Variants in FAT3 observed in about 807,000 individuals in gnomAD.
The protein encoded by FAT3 is protocadherin Fat 3.
In FAT3, 95 loss-of-function variants were observed where a neutral mutation model predicts 310.2. The ratio of observed to expected loss-of-function variants is 0.31; its 90% CI spans 0.26 to 0.36. FAT3 has a LOEUF of 0.36. Ranked by LOEUF, FAT3 falls within the 10% of genes least tolerant of loss-of-function variation. The pLI is 1.00. For missense variants in FAT3, 5,408 were observed against 5,715.6 expected (o/e 0.95, Z 1.74); for synonymous variants, 2,314 against 2,192.9 (o/e 1.06, Z -1.54).
chr11:92,457,360 T>TG (rs1383253177), intron 2 of FAT3, among the ~76,000 whole-genome samples: 1 of 151,994 alleles, frequency 6.6e-6, no homozygotes, highest in Non-Finnish European at 1.5e-5. Flanking sequence ...AGGTCTAGTG[T>TG]GGTGTGGCTT....
rs537206547 is a variant in FAT3 at position 92,616,544 on chromosome 11, G to A, written c.3608-80840G>A. 1.4e-4 allele frequency among the ~76,000 whole-genome samples: 21 copies of A among 152,244 alleles called. No homozygotes were observed. The East Asian group carries it at 3.5e-3, about 25-fold the overall frequency. On this transcript the variant is annotated intron_variant, in intron 3 of 27. Coordinates refer to ENST00000525166, the MANE Select transcript of FAT3 (RefSeq NM_001367949.2). ...ATGATGTTAGCTGGTTATTTTGCTC[G>A]TTAGTTGATGCAGTTTCTTCCTAGA... is the stretch of plus-strand genomic sequence containing the variant.
At chr11:92,335,014 G>A (rs1399961131) in intron 1 of FAT3, among the ~76,000 whole-genome samples, 1 of 152,148 alleles carries the variant, frequency 6.6e-6, no homozygotes, top group Non-Finnish European at 1.5e-5. Flanking sequence ...AAGGAGAAAT[G>A]CTTACTACAT....
intron 3 of FAT3, among the ~76,000 whole-genome samples, chr11:92,583,119 ATTAAAT>A (rs1938908686): frequency 1.3e-5 from 2 of 152,124 alleles, no homozygotes; most frequent in African/African-American, 4.8e-5. Flanking sequence ...TTACAATAAC[ATTAAAT>A]TTAATTCAGG....
At chr11:92,578,110 A>G (rs981138569) in intron 3 of FAT3, among the ~76,000 whole-genome samples, 1 of 152,142 alleles carries the variant, frequency 6.6e-6, no homozygotes, top group Non-Finnish European at 1.5e-5. Context: ...TGTTGTGTTT[A>G]GAAAATATGT....
At chr11:92,601,613 A>G (rs761519874) in intron 3 of FAT3, among the ~76,000 whole-genome samples, 1 of 152,066 alleles carries the variant, frequency 6.6e-6, no homozygotes, top group African/African-American at 2.4e-5. Flanking sequence ...CAAAGCATAC[A>G]CTACAAGGCA....
chr11:92,816,496 A>G (rs1190757180), intron 13 of FAT3, among the ~76,000 whole-genome samples: 2 of 152,214 alleles, frequency 1.3e-5, no homozygotes, highest in African/African-American at 4.8e-5. Flanking sequence ...GCCCACCTGC[A>G]CAGGAGCAGG....
intron 19 of FAT3, among the ~76,000 whole-genome samples, chr11:92,848,224 T>C (rs1039656500): frequency 1.3e-5 from 2 of 152,180 alleles, no homozygotes; most frequent in Non-Finnish European, 2.9e-5. Flanking sequence ...AAATGCTGAG[T>C]TGTTTTAACA....
rs1949894131 is a variant in FAT3 at position 92,890,579 on chromosome 11, G to A, written c.13236G>A (p.Gly4412=). Residue 4412 remains glycine (G), a synonymous_variant, in exon 28 of 28, where the codon GGG becomes GGA. Coordinates refer to ENST00000525166, the MANE Select transcript of FAT3 (RefSeq NM_001367949.2). ...CCAACTATGAGAACCAGGATGGAGG[G>A]TCTGCACACCAGGGGAGCACACGGG... is the stretch of plus-strand genomic sequence containing the variant. The part of the protein sequence containing the change: ...EVPNYENQDG[G]SAHQGSTREL... 1 of 1,613,444 alleles carries A rather than the reference G, an allele frequency of 6.2e-7. No homozygotes were observed. Among genetic ancestry groups the A allele is most frequent in the Non-Finnish European group, 8.5e-7 (1 of 1,179,782 alleles).
intron 3 of FAT3, among the ~76,000 whole-genome samples, chr11:92,665,281 C>T (rs147279242): frequency 3.7e-4 from 56 of 152,222 alleles, no homozygotes; most frequent in African/African-American, 1.3e-3. Context: ...TTGCCAGAGA[C>T]GAACGGTTGA....
At chr11:92,374,149 C>T (rs1949274759) in intron 2 of FAT3, among the ~76,000 whole-genome samples, 1 of 152,172 alleles carries the variant, frequency 6.6e-6, no homozygotes, top group Middle Eastern at 3.4e-3. Flanking sequence ...ATCTTCCTTA[C>T]TTAGCCCACT....
intron 1 of FAT3, among the ~76,000 whole-genome samples, chr11:92,327,294 C>T (rs999782524): frequency 6.6e-6 from 1 of 151,530 alleles, no homozygotes; most frequent in African/African-American, 2.4e-5. Context: ...AATTCAAGTT[C>T]TTTATAGTTC....
At chr11:92,746,251 A>T (rs1014490844) in intron 4 of FAT3, among the ~76,000 whole-genome samples, 2 of 152,220 alleles carry the variant, frequency 1.3e-5, no homozygotes, top group Admixed American at 6.5e-5. Flanking sequence ...CAAGTTCCAC[A>T]TGGCTGGGGA....
intron 3 of FAT3, among the ~76,000 whole-genome samples, chr11:92,595,063 C>T (rs526296): frequency 0.15 from 22,796 of 151,258 alleles, 1,876 homozygotes; most frequent in African/African-American, 0.2. Context: ...ATCATGATGC[C>T]CATGTGTACT....
Position 92,353,092 on chromosome 11 carries a change from A to C in FAT3, c.980A>C (p.Lys327Thr). 2 of 1,613,728 alleles carry C rather than the reference A, an allele frequency of 1.2e-6. No homozygotes were observed. Reference sequence around the variant, plus strand: ...AAGTGGTTGAATGAGTACAAGATTAAGGAGAGGAAGCAGATTGACTGGGAG... The same window carrying C: ...AAGTGGTTGAATGAGTACAAGATTACGGAGAGGAAGCAGATTGACTGGGAG... ...EGKWLNEYKI[K>T]ERKQIDWESF... Residue 327 changes from lysine (K) to threonine (T), a missense_variant, in exon 2 of 28, where the codon AAG becomes ACG. This residue lies in a region of FAT3 where 4,588 missense variants were observed against 4,809.8 expected (regional missense o/e 0.95). Transcript: ENST00000525166.
chr11:92,428,332 C>T lies in FAT3; in HGVS notation c.3292+72928C>T, dbSNP rs191054213. 3.3e-3 allele frequency among the ~76,000 whole-genome samples: 493 copies of T among 150,072 alleles called. 2 individuals carry two copies. The highest frequency in any genetic ancestry group is 7.9e-3 in the Admixed American group (119 of 15,042). ...ATCTTTTCAAAAAAAAAAAAACAGC[C>T]CTTGGATTCATTGATTTTTTCCAAG... On this transcript the variant is annotated intron_variant, in intron 2 of 27. Coordinates refer to ENST00000525166, the MANE Select transcript of FAT3 (RefSeq NM_001367949.2).
At chr11:92,650,482 T>TAGTG (rs1251876695) in intron 3 of FAT3, among the ~76,000 whole-genome samples, 24 of 152,190 alleles carry the variant, frequency 1.6e-4, no homozygotes, top group Non-Finnish European at 2.9e-4. Flanking sequence ...ACACAGGGAG[T>TAGTG]AGTGGTTCCT....
chr11:92,743,710 A>G (rs1460624537), intron 4 of FAT3, among the ~76,000 whole-genome samples: 4 of 152,158 alleles, frequency 2.6e-5, no homozygotes, highest in African/African-American at 2.4e-5. Context: ...TTAATCCCCA[A>G]TGTGGCAGTA....
At chr11:92,443,031 T>C (rs1369844748) in intron 2 of FAT3, among the ~76,000 whole-genome samples, 1 of 152,222 alleles carries the variant, frequency 6.6e-6, no homozygotes, top group Non-Finnish European at 1.5e-5. Context: ...TGACAAATGC[T>C]GATTTCTCTT....
chr11:92,842,891 AAAACAAAT>A (rs1225935277), intron 18 of FAT3, among the ~76,000 whole-genome samples: 1 of 152,340 alleles, frequency 6.6e-6, no homozygotes, highest in East Asian at 1.9e-4. Flanking sequence ...CTAAATAAAC[AAAACAAAT>A]AAACAAATAA....
Sources: gnomAD v4.1 joint callset for allele counts (sites outside exome capture counted in the v4.1 genomes callset) on GRCh38, gnomAD v4.1.1 for gene constraint, gnomAD v4.1.1 regional missense constraint, MANE v1.5 for transcripts, NCBI Gene and HGNC (gene_info 2026-07-23, HGNC 2026-07-21) for gene names.